The following GLIS3 variants were observed in gnomAD, a reference collection of about 807,000 sequenced individuals.
GLIS3 encodes zinc finger protein GLIS3.
Under a neutral mutation model 78.6 loss-of-function variants are expected in GLIS3, and 53 were observed. The observed-to-expected ratio is 0.67, with a 90% CI of 0.54 to 0.85. The LOEUF (loss-of-function observed/expected upper bound fraction) is 0.85. Ranked by LOEUF, GLIS3 falls within the 40% of genes least tolerant of loss-of-function variation. GLIS3 has a pLI of 0.00. For missense variants in GLIS3, 1,703 were observed against 1,231.1 expected (o/e 1.38, Z -5.74); for synonymous variants, 684 against 509.9 (o/e 1.34, Z -4.60).
At chr9:4,070,602 G>C (rs1406186338) in intron 4 of GLIS3, among the ~76,000 whole-genome samples, 1 of 152,214 alleles carries the variant, frequency 6.6e-6, no homozygotes, top group African/African-American at 2.4e-5. Context: ...TGTGGGTAGT[G>C]AGTATGTATG....
chr9:4,036,512 G>T (rs1256031329), intron 4 of GLIS3, among the ~76,000 whole-genome samples: 1 of 152,084 alleles, frequency 6.6e-6, no homozygotes, highest in East Asian at 1.9e-4. Flanking sequence ...AATTGGTAAC[G>T]GTTTCTATCA....
intron 4 of GLIS3, among the ~76,000 whole-genome samples, chr9:4,072,308 T>C (rs1023238378): frequency 6.6e-6 from 1 of 152,158 alleles, no homozygotes; most frequent in Non-Finnish European, 1.5e-5. Flanking sequence ...CTCTACGCCA[T>C]TCACAATCAG....
the GLIS3 span, among the ~76,000 whole-genome samples, chr9:4,446,847 G>T: frequency 2.0e-5 from 3 of 151,808 alleles, no homozygotes; most frequent in Non-Finnish European, 1.5e-5. Context: ...TGCTTTCATT[G>T]TGTGACCTCT....
intron 2 of GLIS3, among the ~76,000 whole-genome samples, chr9:4,212,822 G>C (rs759239363): frequency 6.6e-6 from 1 of 152,146 alleles, no homozygotes; most frequent in Non-Finnish European, 1.5e-5. Context: ...AAGTTAATGG[G>C]GGCCAGATGA....
chr9:4,431,152 T>C, the GLIS3 span, among the ~76,000 whole-genome samples: 2 of 152,074 alleles, frequency 1.3e-5, no homozygotes, highest in African/African-American at 4.8e-5. Context: ...ATGAAAGTTA[T>C]TTTGTGGAGC....
intron 4 of GLIS3, among the ~76,000 whole-genome samples, chr9:4,069,692 G>C (rs925716495): frequency 3.9e-5 from 6 of 151,968 alleles, no homozygotes; most frequent in African/African-American, 1.5e-4. Flanking sequence ...TGCTTTTTTG[G>C]TCTACAGTGC....
At chr9:3,952,018 G>A (rs1481943827) in intron 4 of GLIS3, among the ~76,000 whole-genome samples, 2 of 151,816 alleles carry the variant, frequency 1.3e-5, no homozygotes, top group Admixed American at 6.6e-5. Context: ...AGAGAGAGGG[G>A]AAACCAGAAA....
At chr9:4,241,744 G>A (rs969809932) in intron 2 of GLIS3, among the ~76,000 whole-genome samples, 5 of 152,074 alleles carry the variant, frequency 3.3e-5, no homozygotes, top group Non-Finnish European at 5.9e-5. Context: ...ATGCAGCAGC[G>A]TGATCTTGGC....
chr9:3,858,845 G>GT (rs1308772269), intron 8 of GLIS3, among the ~76,000 whole-genome samples: 3 of 152,188 alleles, frequency 2.0e-5, no homozygotes, highest in African/African-American at 7.2e-5. Context: ...AGCATAAGAA[G>GT]TAAGTGTATA....
intron 9 of GLIS3, among the ~76,000 whole-genome samples, chr9:3,853,030 G>A (rs1206911284): frequency 6.6e-6 from 1 of 151,838 alleles, no homozygotes; most frequent in Non-Finnish European, 1.5e-5. Context: ...GCAACATAGT[G>A]AGACTCCATT....
chr9:4,129,860 G>A (rs1832841939), intron 2 of GLIS3, among the ~76,000 whole-genome samples: 1 of 152,136 alleles, frequency 6.6e-6, no homozygotes, highest in African/African-American at 2.4e-5. Context: ...AAGACAGGAA[G>A]ATGTGGAAAA....
intron 2 of GLIS3, among the ~76,000 whole-genome samples, chr9:4,345,990 G>A (rs757181823): frequency 2.0e-5 from 3 of 152,146 alleles, no homozygotes; most frequent in African/African-American, 7.2e-5. Context: ...TCGAGTGGGA[G>A]ATTCTAATAC....
intron 9 of GLIS3, among the ~76,000 whole-genome samples, chr9:3,854,170 C>T (rs1318290927): frequency 6.6e-6 from 1 of 152,188 alleles, no homozygotes; most frequent in East Asian, 1.9e-4. Context: ...TAGATAAACT[C>T]CTCGACTGGA....
Position 3,829,472 on chromosome 9 carries a change from T to C in GLIS3, c.2494A>G (p.Lys832Glu), listed in dbSNP as rs779354091. 123 of 1,613,924 alleles carry C rather than the reference T, an allele frequency of 7.6e-5. No individual in the cohort carries two copies. The highest frequency in any genetic ancestry group is 1.2e-5 in the Non-Finnish European group (14 of 1,179,996). The change falls in exon 10 of 11, where the codon AAG becomes GAG. Residue 832 changes from lysine (K) to glutamate (E), a missense_variant. By Grantham distance (56) the Lys-to-Glu change is moderately conservative. Coordinates refer to ENST00000381971, the MANE Select transcript of GLIS3 (RefSeq NM_001042413.2). ...TCGGGGTAGTGTGGGGGACAGAACT[T>C]CTGCAGCTGCCCATAAAATCCTGAA... The part of the protein sequence containing the change: ...HVHGFYGQLQ[K>E]FCPPHYPDSQ...
In GLIS3 at chr9:4,117,965, T is replaced by C. The variant is rs369355792; in HGVS notation, c.1513A>G (p.Ile505Val). The stretch of plus-strand genomic sequence containing the variant: ...TGGTCGTACAGGGCGCTGCAGTCGA[T>C]CCAGCGGCAGCAATGCTTGCCCCCG... The part of the protein sequence containing the change: ...GIGGKHCCRW[I>V]DCSALYDQQE... The change falls in exon 4 of 11, where the codon ATC (isoleucine) becomes GTC (valine). Residue 505 changes from isoleucine (I) to valine (V), a missense_variant. Physicochemically the swap from Ile to Val is conservative, Grantham distance 29 (BLOSUM62 3). Transcript: ENST00000381971. The C allele has an allele frequency of 1.8e-5, 29 of 1,613,810 alleles. No homozygotes were observed. The highest frequency in any genetic ancestry group is 2.4e-5 in the Non-Finnish European group (28 of 1,179,984).
chr9:4,374,254 C>A, the GLIS3 span, among the ~76,000 whole-genome samples: 1 of 152,196 alleles, frequency 6.6e-6, no homozygotes, highest in South Asian at 2.1e-4. Flanking sequence ...GAACAACTCC[C>A]CTTCTCTGAA....
intron 4 of GLIS3, chr9:4,305,330 A>G (rs1480708230): frequency 6.6e-6 from 1 of 152,250 alleles, no homozygotes; most frequent in East Asian, 1.9e-4. Flanking sequence ...GCTAACCGAG[A>G]GACCTTGAGC....
chr9:4,177,037 C>T (rs1259146619), intron 2 of GLIS3, among the ~76,000 whole-genome samples: 1 of 152,192 alleles, frequency 6.6e-6, no homozygotes, highest in African/African-American at 2.4e-5. Context: ...TGGGTATCCC[C>T]CGAAATTTAC....
chr9:4,090,652 G>A (rs1298127896), intron 4 of GLIS3, among the ~76,000 whole-genome samples: 1 of 152,204 alleles, frequency 6.6e-6, no homozygotes, highest in Non-Finnish European at 1.5e-5. Flanking sequence ...GGTTTAGGCT[G>A]AAATTATGGC....
Sources: gnomAD v4.1 joint callset for allele counts (sites outside exome capture counted in the v4.1 genomes callset) on GRCh38, gnomAD v4.1.1 for gene constraint, MANE v1.5 for transcripts, NCBI Gene and HGNC (gene_info 2026-07-23, HGNC 2026-07-21) for gene names.